SETBP1: variants seen among roughly 807,000 people sequenced by gnomAD.
SETBP1 encodes the protein SET binding protein 1.
SETBP1 carries 9 observed loss-of-function variants against 101.0 expected under a neutral mutation model. The observed-to-expected ratio is 0.09, with a 90% CI of 0.05 to 0.16. The LOEUF is 0.16. Ranked by LOEUF, SETBP1 falls within the 10% of genes least tolerant of loss-of-function variation. SETBP1 has a pLI of 1.00. For missense variants in SETBP1, 1,858 were observed against 2,033.8 expected (o/e 0.91, Z 1.66); for synonymous variants, 818 against 788.5 (o/e 1.04, Z -0.63).
intron 2 of SETBP1, among the ~76,000 whole-genome samples, chr18:44,838,707 G>A (rs2072547294): frequency 6.6e-6 from 1 of 152,210 alleles, no homozygotes. Flanking sequence ...GGGTGGGCTG[G>A]ATAGAAACTG....
At chr18:44,828,401 A>G (rs1195865737) in intron 2 of SETBP1, among the ~76,000 whole-genome samples, 2 of 152,226 alleles carry the variant, frequency 1.3e-5, no homozygotes, top group East Asian at 3.8e-4. Context: ...GTCATTATTC[A>G]ATGTAGTAGA....
chr18:44,770,989 T>C (rs943138125), intron 2 of SETBP1, among the ~76,000 whole-genome samples: 5 of 152,158 alleles, frequency 3.3e-5, no homozygotes, highest in Middle Eastern at 3.4e-3. Flanking sequence ...AGTGGCCTGC[T>C]GCATATTGAG....
intron 2 of SETBP1, among the ~76,000 whole-genome samples, chr18:44,783,054 A>T (rs1408027541): frequency 6.6e-6 from 1 of 152,208 alleles, no homozygotes; most frequent in Non-Finnish European, 1.5e-5. Flanking sequence ...TGGACTAGGC[A>T]CATAACCCCA....
chr18:44,774,849 C>T (rs2070961399), intron 2 of SETBP1, among the ~76,000 whole-genome samples: 1 of 152,008 alleles, frequency 6.6e-6, no homozygotes, highest in South Asian at 2.1e-4. Flanking sequence ...GAGTGAGTTA[C>T]AGGTCTCTAG....
chr18:45,027,970 G>A (rs1251580909), intron 4 of SETBP1, among the ~76,000 whole-genome samples: 2 of 151,946 alleles, frequency 1.3e-5, no homozygotes, highest in Non-Finnish European at 2.9e-5. Context: ...CAGCAACATA[G>A]CATCTCTCTG....
chr18:44,840,704 T>A (rs1226410978), intron 2 of SETBP1, among the ~76,000 whole-genome samples: 1 of 152,208 alleles, frequency 6.6e-6, no homozygotes, highest in East Asian at 1.9e-4. Flanking sequence ...TTCCTGAAAC[T>A]GCCAAGGGTT....
intron 2 of SETBP1, among the ~76,000 whole-genome samples, chr18:44,714,894 T>G (rs560902255): frequency 6.6e-6 from 1 of 152,176 alleles, no homozygotes; most frequent in African/African-American, 2.4e-5. Context: ...TAAAGTGTAC[T>G]CACATCTGCC....
chr18:44,790,562 A>C (rs1042840226), intron 2 of SETBP1, among the ~76,000 whole-genome samples: 3 of 152,360 alleles, frequency 2.0e-5, no homozygotes, highest in African/African-American at 7.2e-5. Flanking sequence ...ATCCCCAGAA[A>C]ATGTAAAACT....
rs372765743 is a variant in SETBP1, at chr18:44,951,305, C to T, written c.1965C>T (p.Leu655=). The T allele has an allele frequency of 1.7e-5, 27 of 1,613,362 alleles. No individual in the cohort carries two copies. Among genetic ancestry groups the T allele is most frequent in the African/African-American group, 2.7e-5 (2 of 74,892 alleles). ...AATTTCACAAGAAAGTTGGAAAGCT[C>T]GGCGTGTTGGATAAGAAGACCATCA... ...EMKFHKKVGK[L]GVLDKKTIKT... is the part of the protein sequence containing the mutation. The change falls in exon 4 of 6, where the codon CTC becomes CTT. Residue 655 remains leucine, a synonymous_variant. Transcript: ENST00000649279. The surrounding 1 kb of genome is among the most constrained non-coding windows in gnomAD (Gnocchi z 7.8).
chr18:44,999,567 G>T (rs1317186485), intron 4 of SETBP1, among the ~76,000 whole-genome samples: 2 of 152,194 alleles, frequency 1.3e-5, no homozygotes, highest in Non-Finnish European at 2.9e-5. Context: ...TGAAGTTGGT[G>T]CTTTGTCCAC....
intron 3 of SETBP1, among the ~76,000 whole-genome samples, chr18:44,936,161 C>T (rs963143086): frequency 6.6e-6 from 1 of 152,186 alleles, no homozygotes; most frequent in African/African-American, 2.4e-5. Flanking sequence ...TGGCTTCATC[C>T]CTCAGAAGCC....
chr18:44,800,069 G>C (rs1483069096), intron 2 of SETBP1, among the ~76,000 whole-genome samples: 1 of 152,100 alleles, frequency 6.6e-6, no homozygotes, highest in Non-Finnish European at 1.5e-5. Context: ...ACTCCCCTTT[G>C]GCTACTGGGA....
intron 4 of SETBP1, among the ~76,000 whole-genome samples, chr18:44,990,316 A>T (rs1291669463): frequency 6.6e-6 from 1 of 152,188 alleles, no homozygotes; most frequent in Non-Finnish European, 1.5e-5. Context: ...AACATTGGCC[A>T]GGGGCAGGAG....
intron 4 of SETBP1, among the ~76,000 whole-genome samples, chr18:44,960,755 C>A (rs564112977): frequency 6.6e-6 from 1 of 152,320 alleles, no homozygotes; most frequent in African/African-American, 2.4e-5. Context: ...TACCTCATCT[C>A]TGTACTCTTC....
At chr18:45,020,363 A>G (rs1388406331) in intron 4 of SETBP1, among the ~76,000 whole-genome samples, 1 of 150,482 alleles carries the variant, frequency 6.6e-6, no homozygotes, top group Admixed American at 6.7e-5. Context: ...AGGCACCCAC[A>G]CTTACATCAT....
chr18:44,898,893 A>G (rs1173990997), intron 3 of SETBP1, among the ~76,000 whole-genome samples: 1 of 152,188 alleles, frequency 6.6e-6, no homozygotes, highest in Non-Finnish European at 1.5e-5. Context: ...GAGATGCTGC[A>G]TTCTTTAAAA....
chr18:44,786,034 C>A (rs1019611007), intron 2 of SETBP1, among the ~76,000 whole-genome samples: 5 of 152,198 alleles, frequency 3.3e-5, no homozygotes, highest in African/African-American at 1.2e-4. Flanking sequence ...TGGGGTGCTT[C>A]TTCCTCTAGT....
intron 2 of SETBP1, among the ~76,000 whole-genome samples, chr18:44,855,335 C>T (rs1456086894): frequency 3.3e-5 from 5 of 151,498 alleles, no homozygotes; most frequent in African/African-American, 1.2e-4. Flanking sequence ...TTGCTATTTC[C>T]CTACATCCTA....
intron 2 of SETBP1, among the ~76,000 whole-genome samples, chr18:44,811,807 C>T (rs2071867808): frequency 6.6e-6 from 1 of 152,186 alleles, no homozygotes; most frequent in Non-Finnish European, 1.5e-5. Context: ...GGCCCCAAGT[C>T]AAGACCTGTT....
Sources: gnomAD v4.1 joint callset for allele counts (sites outside exome capture counted in the v4.1 genomes callset) on GRCh38, gnomAD v4.1.1 for gene constraint, Gnocchi (gnomAD v3.1) non-coding constraint, MANE v1.5 for transcripts, NCBI Gene and HGNC (gene_info 2026-07-23, HGNC 2026-07-21) for gene names.